ASH1L: variants seen among roughly 807,000 people sequenced by gnomAD.
ASH1L encodes the protein ASH1 like histone lysine methyltransferase, also known as histone-lysine N-methyltransferase ASH1L.
In ASH1L, 23 loss-of-function variants were observed where a neutral mutation model predicts 269.0. The observed-to-expected ratio is 0.09, with a 90% CI of 0.06 to 0.12. ASH1L has a LOEUF of 0.12. Ranked by LOEUF, ASH1L falls within the 10% of genes least tolerant of loss-of-function variation. ASH1L has a pLI of 1.00. For missense variants in ASH1L, 2,912 were observed against 3,567.8 expected (o/e 0.82, Z 4.68); for synonymous variants, 1,187 against 1,253.5 (o/e 0.95, Z 1.12).
intron 6 of ASH1L, among the ~76,000 whole-genome samples, chr1:155,413,840 C>A (rs575439118): frequency 2.0e-5 from 3 of 151,988 alleles, no homozygotes; most frequent in African/African-American, 7.2e-5. Context: ...CACAACTTCT[C>A]TTAAATTAAA....
intron 7 of ASH1L, among the ~76,000 whole-genome samples, chr1:155,384,782 T>G (rs1057062745): frequency 6.6e-6 from 1 of 152,152 alleles, no homozygotes; most frequent in Non-Finnish European, 1.5e-5. Context: ...CTGCTAATCT[T>G]CTTGAATACA....
chr1:155,512,102 G>A (rs534794142), intron 2 of ASH1L, among the ~76,000 whole-genome samples: 2 of 152,216 alleles, frequency 1.3e-5, no homozygotes, highest in African/African-American at 4.8e-5. Context: ...GTGAGCCACT[G>A]TGCCCAGCCA....
Position 155,338,441 on chromosome 1 carries a change from G to C in ASH1L, c.8502-51C>G, listed in dbSNP as rs370756718. ...TGTAAGACACTTGAGGAGGAAAAGG[G>C]GATGAAGGGTAGGAGGCCTCAAGAT... is the stretch of plus-strand genomic sequence containing the variant. On this transcript the variant is annotated intron_variant, in intron 26 of 27. Transcript: ENST00000392403. The C allele has an allele frequency of 3.8e-6, 6 of 1,558,962 alleles. No individual in the cohort carries two copies. The East Asian group carries it at 1.1e-4, about 29-fold the overall frequency.
intron 7 of ASH1L, among the ~76,000 whole-genome samples, chr1:155,383,987 T>TAA (rs961510844): frequency 3.5e-4 from 53 of 152,182 alleles, no homozygotes; most frequent in Non-Finnish European, 7.3e-5. Flanking sequence ...TATAGTCTAT[T>TAA]TTAAAAGAGT....
Position 155,357,637 on chromosome 1 carries a change from T to G in ASH1L, c.6908A>C (p.Lys2303Thr). 1 of 1,614,158 alleles carries G rather than the reference T, an allele frequency of 6.2e-7. No individual in the cohort carries two copies. Among genetic ancestry groups the G allele is most frequent in the Non-Finnish European group, 8.5e-7 (1 of 1,180,040 alleles). ...TCTCTTCTCTTTTGACCGTCCAGAT[T>G]TTTTGTGTGTGGCCATGGGCTGGCT... is the stretch of plus-strand genomic sequence containing the variant. ...KNSQPMATHK[K>T]SGRSKEKRKS... Residue 2303 changes from lysine (K) to threonine (T), a missense_variant, in exon 14 of 28, where the codon AAA (lysine) becomes ACA (threonine). This residue lies in a region of ASH1L where 309 missense variants were observed against 435.1 expected (regional missense o/e 0.71). Coordinates refer to ENST00000392403, the MANE Select transcript of ASH1L (RefSeq NM_018489.3).
chr1:155,413,491 C>G (rs1009676805), intron 6 of ASH1L, among the ~76,000 whole-genome samples: 1 of 152,138 alleles, frequency 6.6e-6, no homozygotes, highest in Non-Finnish European at 1.5e-5. Flanking sequence ...CCTGTAATCC[C>G]AGCTACTTGG....
intron 5 of ASH1L, among the ~76,000 whole-genome samples, chr1:155,420,089 G>A (rs560227935): frequency 1.8e-4 from 28 of 152,190 alleles, no homozygotes; most frequent in Non-Finnish European, 2.9e-4. Flanking sequence ...AGGATGAGGC[G>A]GGCGGACCAC....
chr1:155,526,699 A>G (rs1160752235), intron 1 of ASH1L, among the ~76,000 whole-genome samples: 1 of 152,182 alleles, frequency 6.6e-6, no homozygotes, highest in African/African-American at 2.4e-5. Flanking sequence ...AAGTGCCACA[A>G]GTGCCCACCA....
In ASH1L at chr1:155,357,708, G is replaced by A. The variant is rs185919377; in HGVS notation, c.6837C>T (p.Ile2279=). The stretch of plus-strand genomic sequence containing the variant: ...CATTCACACGCTGACTCTTGCCTCC[G>A]ATGATTCCTCGACATTTCTCAAAGC... The part of the protein sequence containing the change: ...KCGFEKCRGI[I]GGKSQRVNGL... Residue 2279 remains isoleucine (I), a synonymous_variant, in exon 14 of 28, where the codon ATC becomes ATT. Coordinates refer to ENST00000392403, the MANE Select transcript of ASH1L (RefSeq NM_018489.3). 7.4e-5 allele frequency: 120 copies of A among 1,614,046 alleles called. No homozygotes were observed. The highest frequency in any genetic ancestry group is 9.2e-5 in the Non-Finnish European group (109 of 1,179,998).
In ASH1L at chr1:155,397,850, G is replaced by A. The variant is rs187371861; in HGVS notation, c.6009-2297C>T. Among the ~76,000 whole-genome samples, 724 of 152,180 alleles carry A rather than the reference G, an allele frequency of 4.8e-3. 4 individuals are homozygous for A. Among genetic ancestry groups the A allele is most frequent in the Non-Finnish European group, 8.1e-3 (554 of 68,002 alleles). Reference sequence around the variant, plus strand: ...TCTTGGGATTACAGGCGTGAGCCACGGCACCTGGCCAGGTTATCTTAATAA... The same window carrying A: ...TCTTGGGATTACAGGCGTGAGCCACAGCACCTGGCCAGGTTATCTTAATAA... On this transcript the variant is annotated intron_variant, in intron 6 of 27. Coordinates refer to ENST00000392403, the MANE Select transcript of ASH1L (RefSeq NM_018489.3).
chr1:155,346,063 A>G (rs1653282122), intron 21 of ASH1L: 2 of 846,126 alleles, frequency 2.4e-6, no homozygotes, highest in African/African-American at 1.8e-5. Context: ...CGAACTCCTG[A>G]GCTCAGGCAA....
At chr1:155,449,296 CT>C (rs1663284789) in intron 4 of ASH1L, among the ~76,000 whole-genome samples, 1 of 152,116 alleles carries the variant, frequency 6.6e-6, no homozygotes, top group African/African-American at 2.4e-5. Flanking sequence ...GGGGATTCAT[CT>C]TTTACTTATG....
At chr1:155,552,935 T>C (rs1671314404) in intron 1 of ASH1L, among the ~76,000 whole-genome samples, 1 of 152,184 alleles carries the variant, frequency 6.6e-6, no homozygotes, top group Non-Finnish European at 1.5e-5. Context: ...CACATTATGC[T>C]AAACACATTA....
Position 155,478,232 on chromosome 1 carries a change from T to C in ASH1L, c.4638A>G (p.Ser1546=). 6.2e-7 allele frequency: 1 copy of C among 1,614,118 alleles called. No homozygotes were observed. Among genetic ancestry groups the C allele is most frequent in the East Asian group, 2.2e-5 (1 of 44,872 alleles). The change falls in exon 3 of 28, where the codon TCA becomes TCG. Residue 1546 remains serine, a synonymous_variant. Coordinates refer to ENST00000392403, the MANE Select transcript of ASH1L (RefSeq NM_018489.3). The surrounding 1 kb of genome is among the most constrained non-coding windows in gnomAD (Gnocchi z 4.6). ...GTTCCTCTCTGTTTATTAAGCTTTT[T>C]GAAGGAGAGAGATGAGGGCAGGACA... ...CHMSCPHLSP[S]KSLINREEQW... is the part of the protein sequence containing the mutation.
At chr1:155,350,264 C>T (rs1331755507) in intron 17 of ASH1L, among the ~76,000 whole-genome samples, 3 of 151,832 alleles carry the variant, frequency 2.0e-5, no homozygotes, top group Non-Finnish European at 2.9e-5. Context: ...TCAGGTGATT[C>T]ACCTGCCTCG....
At chr1:155,465,072 T>C (rs1664574773) in intron 3 of ASH1L, among the ~76,000 whole-genome samples, 1 of 152,040 alleles carries the variant, frequency 6.6e-6, no homozygotes, top group South Asian at 2.1e-4. Flanking sequence ...ACCAAAGATA[T>C]AAAAGTAATG....
intron 6 of ASH1L, among the ~76,000 whole-genome samples, chr1:155,410,754 C>T (rs570931210): frequency 1.3e-4 from 20 of 150,470 alleles, no homozygotes; most frequent in Non-Finnish European, 2.8e-4. Flanking sequence ...CAGGCCTGAG[C>T]CACTGCGTCT....
intron 3 of ASH1L, among the ~76,000 whole-genome samples, chr1:155,473,552 G>A (rs1236719445): frequency 6.7e-6 from 1 of 148,216 alleles, no homozygotes; most frequent in Non-Finnish European, 1.5e-5. Context: ...GGAGTGAAGT[G>A]GCACGATCAC....
intron 2 of ASH1L, among the ~76,000 whole-genome samples, chr1:155,497,425 C>T (rs563400771): frequency 1.3e-5 from 2 of 152,338 alleles, no homozygotes; most frequent in South Asian, 2.1e-4. Context: ...CCCTACTCTT[C>T]CTCCTTGGCC....
Sources: allele counts gnomAD v4.1 joint callset (sites outside exome capture counted in the v4.1 genomes callset), GRCh38; gene constraint gnomAD v4.1.1; regional missense constraint gnomAD v4.1.1; non-coding constraint Gnocchi (gnomAD v3.1); transcripts MANE v1.5; gene names NCBI Gene and HGNC (gene_info 2026-07-23, HGNC 2026-07-21).